ARHGAP26: variants seen among roughly 807,000 people sequenced by gnomAD.
ARHGAP26 encodes the protein rho GTPase-activating protein 26.
In ARHGAP26, 38 loss-of-function variants were observed where a neutral mutation model predicts 104.8. That is an observed-to-expected ratio of 0.36 (90% CI 0.28 to 0.48). The LOEUF (loss-of-function observed/expected upper bound fraction) is 0.48. Among genes scored for constraint, ARHGAP26 ranks in the 20% least tolerant of loss-of-function variants. The pLI, the probability that ARHGAP26 is intolerant of heterozygous loss-of-function variation, is 0.99. For synonymous variants in ARHGAP26, 341 were observed against 340.0 expected (o/e 1.00, Z -0.03); for missense variants, 704 against 947.9 (o/e 0.74, Z 3.38).
Position 143,041,826 on chromosome 5 carries a change from G to A in ARHGAP26, c.1221G>A (p.Glu407=). 2 of 1,606,758 alleles carry A rather than the reference G, an allele frequency of 1.2e-6. No homozygotes were observed. Among genetic ancestry groups the A allele is most frequent in the South Asian group, 1.1e-5 (1 of 89,642 alleles). ...IHAVETRGIN[E]QGLYRIVGVN... is the part of the protein sequence containing the mutation. ...TGTTTCTTTCCTCAGGGATCAACGA[G>A]CAAGGGCTGTATCGAATTGTGGGTG... Residue 407 remains glutamate, a synonymous_variant, in exon 14 of 23, where the codon GAG becomes GAA. Coordinates refer to ENST00000645722, the MANE Select transcript of ARHGAP26 (RefSeq NM_001135608.3).
intron 16 of ARHGAP26, among the ~76,000 whole-genome samples, chr5:143,056,363 G>C (rs2150278861): frequency 6.7e-6 from 1 of 149,584 alleles, no homozygotes; most frequent in South Asian, 2.1e-4. Flanking sequence ...ATGTTGGAGG[G>C]ATAGAGAAAA....
At chr5:142,927,057 G>C (rs1262549330) in intron 10 of ARHGAP26, among the ~76,000 whole-genome samples, 1 of 152,116 alleles carries the variant, frequency 6.6e-6, no homozygotes, top group Non-Finnish European at 1.5e-5. Context: ...GAATAGTTCA[G>C]TTGCTAGTCT....
chr5:142,983,796 T>C (rs1043450423), intron 11 of ARHGAP26, among the ~76,000 whole-genome samples: 15 of 152,234 alleles, frequency 9.9e-5, no homozygotes, highest in African/African-American at 3.6e-4. Flanking sequence ...ATTATGTGTT[T>C]ATATATATCT....
chr5:143,161,417 T>C (rs747588063), intron 20 of ARHGAP26, among the ~76,000 whole-genome samples: 1 of 152,182 alleles, frequency 6.6e-6, no homozygotes, highest in Non-Finnish European at 1.5e-5. Flanking sequence ...CCAACCAACA[T>C]TGTGAAATGT....
intron 20 of ARHGAP26, chr5:143,165,136 C>G (rs746782210): frequency 1.3e-5 from 2 of 152,184 alleles, no homozygotes; most frequent in Non-Finnish European, 2.9e-5. Context: ...ATGATCTTTT[C>G]AAGGTTGCTT....
chr5:143,015,120 T>A (rs1017413519), intron 12 of ARHGAP26, among the ~76,000 whole-genome samples: 22 of 152,016 alleles, frequency 1.4e-4, no homozygotes, highest in Admixed American at 1.1e-3. Flanking sequence ...TGAGAGGCCT[T>A]TATGAGATGA....
intron 1 of ARHGAP26, among the ~76,000 whole-genome samples, chr5:142,818,679 C>T (rs1021806579): frequency 3.9e-5 from 6 of 152,118 alleles, no homozygotes; most frequent in East Asian, 1.9e-4. Context: ...TCATGGGGCT[C>T]TCAAGAAAAA....
At chr5:143,019,291 C>G (rs1270509860) in intron 12 of ARHGAP26, among the ~76,000 whole-genome samples, 1 of 151,720 alleles carries the variant, frequency 6.6e-6, no homozygotes, top group African/African-American at 2.4e-5. Context: ...AGGAAGTGGT[C>G]ACTGCCAGTG....
At chr5:142,944,222 T>C (rs1766784524) in intron 11 of ARHGAP26, among the ~76,000 whole-genome samples, 1 of 152,232 alleles carries the variant, frequency 6.6e-6, no homozygotes, top group Non-Finnish European at 1.5e-5. Flanking sequence ...AAATAAACCC[T>C]TCTGTTGTGT....
intron 1 of ARHGAP26, among the ~76,000 whole-genome samples, chr5:142,858,094 T>TGTGTGTGTGAGAGAGA (rs1424264346): frequency 1.0e-4 from 13 of 127,254 alleles, no homozygotes; most frequent in African/African-American, 4.0e-4. Context: ...TGTGTGTGTG[T>TGTGTGTGTGAGAGAGA]GAGAGAGAGA....
intron 12 of ARHGAP26, among the ~76,000 whole-genome samples, chr5:143,031,406 G>T (rs1781817139): frequency 1.3e-5 from 2 of 152,188 alleles, no homozygotes; most frequent in African/African-American, 4.8e-5. Context: ...GATGATTGAG[G>T]TAGGGACCAG....
intron 11 of ARHGAP26, among the ~76,000 whole-genome samples, chr5:142,933,555 G>GT (rs1393196307): frequency 6.6e-6 from 1 of 152,168 alleles, no homozygotes. Flanking sequence ...TCCATGCCTA[G>GT]TAGGGTCATT....
intron 14 of ARHGAP26, among the ~76,000 whole-genome samples, chr5:143,045,011 AAAG>A (rs1190480694): frequency 2.0e-5 from 3 of 152,344 alleles, no homozygotes; most frequent in African/African-American, 7.2e-5. Context: ...ACACTAATGA[AAAG>A]AAATATGACA....
At chr5:143,120,258 G>T (rs542887271) in intron 17 of ARHGAP26, among the ~76,000 whole-genome samples, 7 of 152,300 alleles carry the variant, frequency 4.6e-5, no homozygotes, top group Admixed American at 4.6e-4. Context: ...CTTTTGAGTA[G>T]TTGTTTATTC....
chr5:142,808,392 TG>T (rs1763445460), intron 1 of ARHGAP26, among the ~76,000 whole-genome samples: 1 of 151,872 alleles, frequency 6.6e-6, no homozygotes, highest in African/African-American at 2.4e-5. Flanking sequence ...TGTCAAATTT[TG>T]TTTAGTAGTA....
chr5:143,079,228 G>A (rs1789464067), intron 17 of ARHGAP26, among the ~76,000 whole-genome samples: 1 of 152,196 alleles, frequency 6.6e-6, no homozygotes, highest in Non-Finnish European at 1.5e-5. Context: ...ATAGAGTTGG[G>A]CAACCAAACA....
intron 11 of ARHGAP26, among the ~76,000 whole-genome samples, chr5:142,981,234 A>G (rs1773896462): frequency 1.3e-5 from 2 of 152,218 alleles, no homozygotes; most frequent in African/African-American, 4.8e-5. Flanking sequence ...CTTGCTACCC[A>G]CTAGTATGGT....
At chr5:143,203,076 G>A (rs1446265679) in intron 20 of ARHGAP26, 1 of 152,236 alleles carries the variant, frequency 6.6e-6, no homozygotes, top group Non-Finnish European at 1.5e-5. Flanking sequence ...ATTGACAAAT[G>A]TGATCTAATT....
intron 20 of ARHGAP26, among the ~76,000 whole-genome samples, chr5:143,162,320 C>T (rs966702000): frequency 6.6e-6 from 1 of 151,148 alleles, no homozygotes; most frequent in African/African-American, 2.4e-5. Context: ...CACGCAATCC[C>T]CTTTCCCATT....
Sources: gnomAD v4.1 joint callset for allele counts (sites outside exome capture counted in the v4.1 genomes callset) on GRCh38, gnomAD v4.1.1 for gene constraint, MANE v1.5 for transcripts, NCBI Gene and HGNC (gene_info 2026-07-23, HGNC 2026-07-21) for gene names.